The following ANK3 variants were observed in gnomAD, a reference collection of about 807,000 sequenced individuals.
ANK3 encodes the protein ankyrin-3.
Under a neutral mutation model 370.9 loss-of-function variants are expected in ANK3, and 57 were observed. That is an observed-to-expected ratio of 0.15 (90% CI 0.12 to 0.19). The LOEUF is 0.19. ANK3 is among the 10% of genes least tolerant of loss of function. The pLI is 1.00. For missense variants in ANK3, 4,439 were observed against 5,302.1 expected, an observed-to-expected ratio of 0.84 and a Z score of 5.06; for synonymous variants, 1,929 against 1,946.3, an observed-to-expected ratio of 0.99 and a Z score of 0.23.
In ANK3 at chr10:60,402,785, C is replaced by CA. The variant is rs576009827; in HGVS notation, c.97-123147dup. Among the ~76,000 whole-genome samples the CA allele has an allele frequency of 2.6e-5, 4 of 152,300 alleles. No individual in the cohort carries two copies. The South Asian group carries it at 6.2e-4, about 24-fold the overall frequency. ...CAGACAACAGCCAGCCAAGCCCCAGCAGCAGCATCACCTAGCAGACTGGCA... is the reference window on the plus strand; with the variant it reads ...CAGACAACAGCCAGCCAAGCCCCAGCAAGCAGCATCACCTAGCAGACTGGCA... On this transcript the variant is annotated intron_variant, in intron 2 of 43. Coordinates refer to the ANK3 transcript ENST00000373827.
intron 1 of ANK3, among the ~76,000 whole-genome samples, chr10:60,378,937 A>T (rs977465547): frequency 2.6e-5 from 4 of 152,176 alleles, no homozygotes; most frequent in Non-Finnish European, 5.9e-5. Context: ...ACAGAATGGG[A>T]GAAAATATTT....
rs182725388 is a variant in ANK3, at chr10:60,643,855, T to C, written c.58-28631A>G. Among the ~76,000 whole-genome samples the C allele has an allele frequency of 7.2e-4, 109 of 152,274 alleles. 1 individual carries two copies. Among genetic ancestry groups the C allele is most frequent in the Middle Eastern group, 3.4e-3 (1 of 294 alleles). ...AACCCAGGACCAGGAAAGAAAATCTTTATCATTCCCAGAGAATGTGTTCCT... is the reference window on the plus strand; with the variant it reads ...AACCCAGGACCAGGAAAGAAAATCTCTATCATTCCCAGAGAATGTGTTCCT... On this transcript the variant is annotated intron_variant, in intron 1 of 43. Coordinates refer to the ANK3 transcript ENST00000373827.
intron 17 of ANK3, among the ~76,000 whole-genome samples, chr10:60,183,311 T>C (rs999310940): frequency 1.6e-4 from 24 of 152,368 alleles, no homozygotes; most frequent in African/African-American, 5.5e-4. Context: ...AAGTATCGTA[T>C]CTTTGATTTT....
intron 16 of ANK3, among the ~76,000 whole-genome samples, chr10:60,194,776 C>G (rs1282374377): frequency 6.6e-6 from 1 of 152,072 alleles, no homozygotes; most frequent in African/African-American, 2.4e-5. Context: ...TTGTCAGGGT[C>G]AGAAACTGTG....
At chr10:60,449,693 C>T (rs566692021) in intron 2 of ANK3, among the ~76,000 whole-genome samples, 2 of 152,274 alleles carry the variant, frequency 1.3e-5, no homozygotes, top group African/African-American at 4.8e-5. Context: ...GTTGATGGGA[C>T]AGAGGAGGCT....
intron 2 of ANK3, among the ~76,000 whole-genome samples, chr10:60,600,166 C>T (rs765813629): frequency 1.6e-4 from 24 of 152,106 alleles, no homozygotes; most frequent in Non-Finnish European, 7.4e-5. Context: ...CTTAGTTGTT[C>T]CAAGTGCTAG....
intron 5 of ANK3, among the ~76,000 whole-genome samples, chr10:60,265,715 A>G (rs950373959): frequency 1.3e-5 from 2 of 152,160 alleles, no homozygotes; most frequent in Admixed American, 1.3e-4. Context: ...TTCCTAAAAC[A>G]TCCCTTTCAA....
In ANK3 at chr10:60,048,720, G is replaced by C. The variant is rs777544375; in HGVS notation, c.13066-5961C>G. ...CAAGGTTGGTTGAGTTTGTGCATGTGGAATGCCCAGATATGGAGGTCCAAT... is the reference window on the plus strand; with the variant it reads ...CAAGGTTGGTTGAGTTTGTGCATGTCGAATGCCCAGATATGGAGGTCCAAT... On this transcript the variant is annotated intron_variant, in intron 42 of 43. Coordinates refer to ENST00000280772, the MANE Select transcript of ANK3 (RefSeq NM_020987.5). 1.1e-3 allele frequency among the ~76,000 whole-genome samples: 174 copies of C among 152,194 alleles called. 2 individuals are homozygous for C. The East Asian group carries it at 0.033, about 29-fold the overall frequency.
intron 1 of ANK3, among the ~76,000 whole-genome samples, chr10:60,668,848 C>A (rs73273345): frequency 0.34 from 51,058 of 151,882 alleles, 8,788 homozygotes; most frequent in African/African-American, 0.38. Context: ...CAAAAATTAG[C>A]CGGGCGCGGT....
chr10:60,307,371 C>A lies in ANK3; in HGVS notation c.115-27732G>T, dbSNP rs577700930. Among the ~76,000 whole-genome samples, 404 of 152,228 alleles carry A rather than the reference C, an allele frequency of 2.7e-3. 2 individuals carry two copies. The highest frequency in any genetic ancestry group is 9.4e-3 in the African/African-American group (392 of 41,538). On this transcript the variant is annotated intron_variant, in intron 1 of 43. Transcript: ENST00000280772. Reference sequence around the variant, plus strand: ...TTATAGAGACAGAGTCCCAGTCTGTCACCCAGGCCAGAGCGCAATGGCATG... The same window carrying A: ...TTATAGAGACAGAGTCCCAGTCTGTAACCCAGGCCAGAGCGCAATGGCATG...
chr10:60,229,730 G>A (rs2097212516), intron 8 of ANK3, among the ~76,000 whole-genome samples: 2 of 152,180 alleles, frequency 1.3e-5, no homozygotes, highest in African/African-American at 4.8e-5. Flanking sequence ...CCAGTATAAA[G>A]TCAAGTAAAT....
At chr10:60,405,998 G>A (rs1191095014) in intron 2 of ANK3, among the ~76,000 whole-genome samples, 1 of 152,034 alleles carries the variant, frequency 6.6e-6, no homozygotes, top group East Asian at 1.9e-4. Flanking sequence ...TTACATTTTT[G>A]TAACACTGTA....
rs762723278 is a variant in ANK3, at chr10:60,074,324, G to A, written c.6557C>T (p.Thr2186Ile). The change falls in exon 37 of 44, where the codon ACC (threonine) becomes ATC (isoleucine). Residue 2186 changes from threonine to isoleucine, a missense_variant. Physicochemically the swap from Thr to Ile is moderately conservative, Grantham distance 89 (BLOSUM62 -1). Coordinates refer to ENST00000280772, the MANE Select transcript of ANK3 (RefSeq NM_020987.5). ...AGGTGACACAGGCTCCTCTGGTTGG[G>A]TCTGGGGAACATCCCCAGCTGAGGG... is the stretch of plus-strand genomic sequence containing the variant. ...YDPSAGDVPQTQPEEPVSPKP... is the reference protein window; with the variant it reads ...YDPSAGDVPQIQPEEPVSPKP... 1 of 1,614,046 alleles carries A rather than the reference G, an allele frequency of 6.2e-7. No homozygotes were observed. Among genetic ancestry groups the A allele is most frequent in the Non-Finnish European group, 8.5e-7 (1 of 1,179,976 alleles).
intron 2 of ANK3, among the ~76,000 whole-genome samples, chr10:60,477,174 T>C (rs572588254): frequency 3.9e-5 from 6 of 152,044 alleles, no homozygotes; most frequent in Non-Finnish European, 7.4e-5. Context: ...TGCTAACATT[T>C]TTGAAAAAAA....
intron 2 of ANK3, among the ~76,000 whole-genome samples, chr10:60,506,544 A>G (rs1285377908): frequency 1.3e-5 from 2 of 152,102 alleles, no homozygotes; most frequent in East Asian, 1.9e-4. Context: ...AAGAACCTCC[A>G]GTTTTGCCAG....
At chr10:60,664,819 T>C (rs1192063604) in intron 1 of ANK3, among the ~76,000 whole-genome samples, 1 of 152,218 alleles carries the variant, frequency 6.6e-6, no homozygotes, top group Non-Finnish European at 1.5e-5. Context: ...CTGAATGAAG[T>C]TGAAATATTT....
intron 2 of ANK3, among the ~76,000 whole-genome samples, chr10:60,411,369 G>A (rs1412183329): frequency 6.6e-6 from 1 of 152,200 alleles, no homozygotes; most frequent in East Asian, 1.9e-4. Flanking sequence ...ACTTCTTTAA[G>A]CCAGATGAAG....
In ANK3 at chr10:60,075,089, G is replaced by T. The variant is rs2131982979; in HGVS notation, c.5792C>A (p.Pro1931His). 1.9e-6 allele frequency: 3 copies of T among 1,614,052 alleles called. No homozygotes were observed. The highest frequency in any genetic ancestry group is 2.5e-6 in the Non-Finnish European group (3 of 1,180,000). The change falls in exon 37 of 44, where the codon CCT becomes CAT. Residue 1931 changes from proline (P) to histidine (H), a missense_variant. By Grantham distance (77) the Pro-to-His change is moderately conservative (BLOSUM62 -2). Coordinates refer to ENST00000280772, the MANE Select transcript of ANK3 (RefSeq NM_020987.5). ...TDVPEEKPFQ[P>H]ELPKEGRIDD... ...TATTCTCCCTTCCTTTGGGAGTTCA[G>T]GTTGGAATGGCTTCTCCTCAGGCAC...
chr10:60,547,028 T>G, intron 2 of ANK3, among the ~76,000 whole-genome samples: 1 of 151,818 alleles, frequency 6.6e-6, no homozygotes, highest in East Asian at 1.9e-4. Context: ...TACTTTCAAC[T>G]ACTACTAATG....
Sources: allele counts gnomAD v4.1 joint callset (sites outside exome capture counted in the v4.1 genomes callset), GRCh38; gene constraint gnomAD v4.1.1; transcripts MANE v1.5; gene names NCBI Gene and HGNC (gene_info 2026-07-23, HGNC 2026-07-21).